The following DMXL1 variants were observed in gnomAD, a reference collection of about 807,000 sequenced individuals.
The protein encoded by DMXL1 is dmX-like protein 1.
In DMXL1, 99 loss-of-function variants were observed where a neutral mutation model predicts 319.2. That is an observed-to-expected ratio of 0.31 (90% confidence interval 0.26 to 0.37). The LOEUF (loss-of-function observed/expected upper bound fraction) is 0.37, where lower values mean the gene tolerates loss of function less well. DMXL1 is among the 10% of genes least tolerant of loss of function. The pLI is 1.00. For synonymous variants in DMXL1, 1,385 were observed against 1,235.2 expected, an observed-to-expected ratio of 1.12 and a Z score of -2.54; for missense variants, 3,745 against 3,595.6, an observed-to-expected ratio of 1.04 and a Z score of -1.06.
At chr5:119,116,366 A>AT in intron 7 of DMXL1, 30 bp downstream of exon 7, 1 of 1,590,896 alleles carries the variant, frequency 6.3e-7, no homozygotes, top group Non-Finnish European at 8.6e-7. Context: ...CCCTCCACAT[A>AT]TTAAGGGAGC....
At chr5:119,128,231 G>T in intron 9 of DMXL1, 1 of 368,140 alleles carries the variant, frequency 2.7e-6, no homozygotes, top group South Asian at 2.4e-5. Flanking sequence ...GGAGAATACA[G>T]AGTGAAGAAT....
At chr5:119,239,231 A>T in intron 41 of DMXL1, 151 bp downstream of exon 41, 1 of 844,202 alleles carries the variant, frequency 1.2e-6, no homozygotes, top group Non-Finnish European at 1.8e-6. Context: ...ATGTTATTCC[A>T]GCCCCACCCC....
At chr5:119,089,841 G>A (rs866324162) in intron 1 of DMXL1, among the ~76,000 whole-genome samples, 4 of 151,044 alleles carry the variant, frequency 2.6e-5, no homozygotes, top group Non-Finnish European at 4.4e-5. Context: ...GGTCAGGCTG[G>A]TCTTGAACTC....
intron 6 of DMXL1, among the ~76,000 whole-genome samples, chr5:119,114,894 C>G (rs12658987): frequency 2.0e-5 from 3 of 152,050 alleles, no homozygotes; most frequent in Admixed American, 6.5e-5. Flanking sequence ...GGTCTTGAAC[C>G]CCTGACCTTG....
chr5:119,217,879 A>G (rs1395226078), intron 35 of DMXL1, among the ~76,000 whole-genome samples: 3 of 152,006 alleles, frequency 2.0e-5, no homozygotes, highest in Non-Finnish European at 4.4e-5. Flanking sequence ...TCTGGACAGT[A>G]TCTTTGTTGT....
intron 17 of DMXL1, 51 bp downstream of exon 17, chr5:119,147,521 C>A: frequency 1.6e-6 from 2 of 1,290,026 alleles, no homozygotes; most frequent in South Asian, 1.2e-5. Context: ...TGAGTATTTA[C>A]CAGGTATTTA....
In DMXL1 at chr5:119,170,603, G is replaced by A. The variant is rs144486951; in HGVS notation, c.5812G>A (p.Gly1938Ser). The A allele has an allele frequency of 1.1e-5, 17 of 1,613,472 alleles. No homozygotes were observed. The South Asian group carries it at 1.6e-4, about 16-fold the overall frequency. ...AAATGGTTTTGGATCTTCTTCAGAG[G>A]GTTCCTCAGAGAAGCAATCAAACTC... is the stretch of plus-strand genomic sequence containing the variant. ...LINGFGSSSEGSSEKQSNSTL... is the reference protein window; with the variant it reads ...LINGFGSSSESSSEKQSNSTL... Residue 1938 changes from glycine (G) to serine (S), a missense_variant, in exon 24 of 44, where the codon GGT becomes AGT. Coordinates refer to ENST00000539542, the MANE Select transcript of DMXL1 (RefSeq NM_001290321.3).
Position 119,196,387 on chromosome 5 carries a change from T to G in DMXL1, c.7474T>G (p.Leu2492Val). ...SNSYSWSLMR[L>V]AMVQLVLNNL... ...TATTTTTAGTTGGTCCTTGATGCGG[T>G]TGGCGATGGTGCAATTGGTGCTCAA... is the stretch of plus-strand genomic sequence containing the variant. The change falls in exon 31 of 44, where the codon TTG becomes GTG. Residue 2492 changes from leucine (L) to valine (V), a missense_variant. Physicochemically the swap from Leu to Val is conservative, Grantham distance 32 (BLOSUM62 1). Around this residue, in one of 4 missense-constraint regions of DMXL1, gnomAD observed 1,382 missense variants for 1,269.5 expected, o/e 1.09. Coordinates refer to ENST00000539542, the MANE Select transcript of DMXL1 (RefSeq NM_001290321.3). 6.2e-7 allele frequency: 1 copy of G among 1,613,932 alleles called. No individual in the cohort carries two copies. The highest frequency in any genetic ancestry group is 8.5e-7 in the Non-Finnish European group (1 of 1,179,818).
In DMXL1 at chr5:119,233,343, T is replaced by TCA; in HGVS notation, c.8342_8343insCA (p.Thr2782ArgfsTer20). ...TTTTTGCCCTCTTGTAATGCAGATC[T>TCA]GACAGGAGCTCAAGATGGAAGTGTC... On this transcript the variant is annotated frameshift_variant, in exon 39 of 44. Coordinates refer to ENST00000539542, the MANE Select transcript of DMXL1 (RefSeq NM_001290321.3). LOFTEE classifies it high-confidence loss of function. 6.2e-7 allele frequency: 1 copy of TCA among 1,611,856 alleles called. No individual in the cohort carries two copies. Among genetic ancestry groups the TCA allele is most frequent in the Non-Finnish European group, 8.5e-7 (1 of 1,178,732 alleles).
intron 32 of DMXL1, among the ~76,000 whole-genome samples, chr5:119,201,964 T>TTTTTATTA (rs1224800206): frequency 6.6e-6 from 1 of 152,176 alleles, no homozygotes; most frequent in Non-Finnish European, 1.5e-5. Context: ...TCTCTTTTCT[T>TTTTTATTA]TTTTATTAGT....
intron 1 of DMXL1, among the ~76,000 whole-genome samples, chr5:119,094,188 G>T (rs992129305): frequency 3.3e-5 from 5 of 152,242 alleles, no homozygotes; most frequent in African/African-American, 1.2e-4. Flanking sequence ...CATAACTAGA[G>T]AGGAGAGGTC....
chr5:119,237,317 C>G lies in DMXL1; in HGVS notation c.8467-5C>G, dbSNP rs1561941882. On this transcript the variant is annotated splice_region_variant and splice_polypyrimidine_tract_variant and intron_variant, in intron 39 of 43. Coordinates refer to ENST00000539542, the MANE Select transcript of DMXL1 (RefSeq NM_001290321.3). ...AAATACTTTTAAATATTTTCTTTCTCTAAGTTTGGAATAGTTGATGCTGAT... is the reference window on the plus strand; with the variant it reads ...AAATACTTTTAAATATTTTCTTTCTGTAAGTTTGGAATAGTTGATGCTGAT... 1.3e-6 allele frequency: 2 copies of G among 1,536,346 alleles called. No homozygotes were observed. The highest frequency in any genetic ancestry group is 1.2e-5 in the South Asian group (1 of 83,180).
chr5:119,244,641 G>A (rs966337984), intron 43 of DMXL1, 65 bp downstream of exon 43: 22 of 1,188,870 alleles, frequency 1.9e-5, no homozygotes, highest in East Asian at 1.4e-4. Flanking sequence ...CTCTTTAATC[G>A]TATTGATGAC....
In DMXL1 at chr5:119,146,822, CATT is replaced by C. The variant is rs779058632; in HGVS notation, c.2570-13_2570-11del. 3 of 1,605,332 alleles carry C rather than the reference CATT, an allele frequency of 1.9e-6. No individual in the cohort carries two copies. Among genetic ancestry groups the C allele is most frequent in the African/African-American group, 2.7e-5 (2 of 74,436 alleles). ...TACACATAGTAACAGTGAAAAATAT[CATT>C]AATACCAACAGGCAGCTCACCTAAT... On this transcript the variant is annotated splice_polypyrimidine_tract_variant and intron_variant, in intron 15 of 43. Coordinates refer to ENST00000539542, the MANE Select transcript of DMXL1 (RefSeq NM_001290321.3).
At chr5:119,231,053 C>G (rs539888188) in intron 38 of DMXL1, among the ~76,000 whole-genome samples, 1 of 152,234 alleles carries the variant, frequency 6.6e-6, no homozygotes, top group Admixed American at 6.5e-5. Context: ...ATTTACAGTT[C>G]ATTTAGTCTT....
intron 34 of DMXL1, among the ~76,000 whole-genome samples, chr5:119,211,300 A>G (rs1782766771): frequency 6.6e-6 from 1 of 152,084 alleles, no homozygotes; most frequent in African/African-American, 2.4e-5. Context: ...TGTCCTCTTT[A>G]ATTTTGGGGA....
At chr5:119,172,250 T>C (rs768325709) in intron 25 of DMXL1, among the ~76,000 whole-genome samples, 9 of 152,220 alleles carry the variant, frequency 5.9e-5, no homozygotes, top group Non-Finnish European at 1.0e-4. Context: ...ATGAGTCCTT[T>C]AGTAGTACAT....
At chr5:119,083,540 A>T (rs935689992) in intron 1 of DMXL1, among the ~76,000 whole-genome samples, 12 of 151,888 alleles carry the variant, frequency 7.9e-5, no homozygotes, top group Non-Finnish European at 1.5e-4. Flanking sequence ...TTGTTCAGTT[A>T]TTAGGTTTTT....
chr5:119,105,312 T>C, intron 4 of DMXL1, 54 bp downstream of exon 4: 1 of 1,366,582 alleles, frequency 7.3e-7, no homozygotes, highest in Non-Finnish European at 1.0e-6. Context: ...CTAGTTGTTC[T>C]TATTTTTATT....
Sources: gnomAD v4.1 joint callset for allele counts (sites outside exome capture counted in the v4.1 genomes callset) on GRCh38, gnomAD v4.1.1 for gene constraint, gnomAD v4.1.1 regional missense constraint, MANE v1.5 for transcripts, NCBI Gene and HGNC (gene_info 2026-07-23, HGNC 2026-07-21) for gene names.